The following NWD2 variants were observed in gnomAD, a reference collection of about 807,000 sequenced individuals.
The protein encoded by NWD2 is NACHT and WD repeat domain-containing protein 2.
Under a neutral mutation model 132.7 loss-of-function variants are expected in NWD2, and 37 were observed. The observed-to-expected ratio is 0.28, with a 90% CI of 0.21 to 0.37. The LOEUF (loss-of-function observed/expected upper bound fraction) is 0.37. Ranked by LOEUF, NWD2 falls within the 10% of genes least tolerant of loss-of-function variation. The probability of loss-of-function intolerance (pLI) is 1.00; values close to 1 mark genes in which losing one functional copy is unlikely to be tolerated. For synonymous variants in NWD2, 705 were observed against 803.0 expected, an observed-to-expected ratio of 0.88 and a Z score of 2.06; for missense variants, 1,592 against 2,122.4, an observed-to-expected ratio of 0.75 and a Z score of 4.91.
At chr4:37,386,627 A>G (rs920407910) in intron 3 of NWD2, among the ~76,000 whole-genome samples, 13 of 152,196 alleles carry the variant, frequency 8.5e-5, no homozygotes, top group African/African-American at 2.4e-5. Flanking sequence ...CTGTATGTCC[A>G]GAGCAGAATT....
At chr4:37,421,673 C>A (rs138434697) in intron 3 of NWD2, among the ~76,000 whole-genome samples, 2 of 152,210 alleles carry the variant, frequency 1.3e-5, no homozygotes, top group African/African-American at 2.4e-5. Flanking sequence ...ATATGTTAGA[C>A]GAAATTGGTA....
chr4:37,370,723 G>A (rs1479759), intron 3 of NWD2, among the ~76,000 whole-genome samples: 66,947 of 151,752 alleles, frequency 0.44, 16,125 homozygotes, highest in Non-Finnish European at 0.55. Context: ...CGCTTTTAAA[G>A]AATCTAGATT....
chr4:37,245,854 C>T (rs575991879), intron 1 of NWD2, among the ~76,000 whole-genome samples: 2 of 152,274 alleles, frequency 1.3e-5, no homozygotes, highest in South Asian at 4.1e-4. Context: ...TCTTCTGTAT[C>T]TAAAACTTGG....
intron 1 of NWD2, among the ~76,000 whole-genome samples, chr4:37,264,151 T>A (rs574300410): frequency 6.6e-6 from 1 of 152,188 alleles, no homozygotes; most frequent in Non-Finnish European, 1.5e-5. Flanking sequence ...TTTGAACAGA[T>A]AACTGTCAGC....
chr4:37,334,752 C>CGA (rs1719365003), intron 2 of NWD2, among the ~76,000 whole-genome samples: 1 of 152,166 alleles, frequency 6.6e-6, no homozygotes, highest in African/African-American at 2.4e-5. Flanking sequence ...CTGAGCTTTA[C>CGA]ATCACTCTTT....
chr4:37,372,465 C>T (rs183993998), intron 3 of NWD2, among the ~76,000 whole-genome samples: 9 of 152,278 alleles, frequency 5.9e-5, no homozygotes, highest in East Asian at 1.9e-4. Flanking sequence ...CTAGAATTTA[C>T]GTATTAATTA....
intron 1 of NWD2, among the ~76,000 whole-genome samples, chr4:37,273,238 T>G (rs1717911487): frequency 6.6e-6 from 1 of 151,882 alleles, no homozygotes; most frequent in Admixed American, 6.6e-5. Flanking sequence ...CTTCTAGCCC[T>G]CATTGCTTCT....
At position 37,387,524 on chromosome 4, in the gene NWD2, A is replaced by G. The variant is rs188805586; in HGVS notation, c.357+31042A>G. On this transcript the variant is annotated intron_variant, in intron 3 of 6. Coordinates refer to ENST00000309447, the MANE Select transcript of NWD2 (RefSeq NM_001144990.2). ...CATGTTTTCACCCTCTCTTAAATAT[A>G]TATGAGCCATCTGCTTGTCTGTACG... is the stretch of plus-strand genomic sequence containing the variant. Among the ~76,000 whole-genome samples the G allele has an allele frequency of 1.8e-4, 27 of 151,770 alleles. No homozygotes were observed. The East Asian group carries it at 4.9e-3, about 27-fold the overall frequency.
At chr4:37,420,523 A>G (rs1260387037) in intron 3 of NWD2, among the ~76,000 whole-genome samples, 1 of 152,160 alleles carries the variant, frequency 6.6e-6, no homozygotes, top group Non-Finnish European at 1.5e-5. Context: ...GTCTCTACTA[A>G]AAATACAAAA....
intron 1 of NWD2, among the ~76,000 whole-genome samples, chr4:37,247,613 ATT>A (rs34270482): frequency 4.7e-5 from 7 of 148,392 alleles, no homozygotes; most frequent in South Asian, 2.1e-4. Flanking sequence ...AATGAATAGA[ATT>A]TTTTTTTTTT....
chr4:37,254,222 G>T (rs13435032), intron 1 of NWD2, among the ~76,000 whole-genome samples: 12,383 of 152,142 alleles, frequency 0.081, 563 homozygotes, highest in Non-Finnish European at 0.097. Context: ...ATCAGGCTGG[G>T]CATATCAACA....
chr4:37,308,225 C>T (rs932627910), intron 1 of NWD2, among the ~76,000 whole-genome samples: 3 of 152,092 alleles, frequency 2.0e-5, no homozygotes, highest in South Asian at 2.1e-4. Flanking sequence ...AGAACAGTCA[C>T]GTCTTCTAAT....
chr4:37,276,099 G>C (rs1718006350), intron 1 of NWD2, among the ~76,000 whole-genome samples: 2 of 152,074 alleles, frequency 1.3e-5, no homozygotes, highest in African/African-American at 4.8e-5. Flanking sequence ...ATTGACAAAT[G>C]GGATCTAATT....
chr4:37,273,934 T>C (rs1243087300), intron 1 of NWD2, among the ~76,000 whole-genome samples: 1 of 151,088 alleles, frequency 6.6e-6, no homozygotes, highest in African/African-American at 2.4e-5. Flanking sequence ...TAAAGCAGTG[T>C]GTAGAGGGAA....
At chr4:37,352,543 C>G (rs191513055) in intron 2 of NWD2, among the ~76,000 whole-genome samples, 4 of 152,292 alleles carry the variant, frequency 2.6e-5, no homozygotes, top group Admixed American at 2.6e-4. Context: ...AATCTGGGTG[C>G]TCCTGTATTG....
chr4:37,389,571 G>A (rs1720639747), intron 3 of NWD2, among the ~76,000 whole-genome samples: 1 of 152,044 alleles, frequency 6.6e-6, no homozygotes, highest in Non-Finnish European at 1.5e-5. Context: ...AGTCGTTCTG[G>A]CGCTCAGTTT....
chr4:37,248,247 A>G (rs1284077166), intron 1 of NWD2, among the ~76,000 whole-genome samples: 2 of 152,304 alleles, frequency 1.3e-5, no homozygotes, highest in East Asian at 3.9e-4. Context: ...TGGCTGTCAG[A>G]CTTAAAGAGT....
At chr4:37,403,335 G>C (rs1427305853) in intron 3 of NWD2, among the ~76,000 whole-genome samples, 1 of 152,212 alleles carries the variant, frequency 6.6e-6, no homozygotes, top group Non-Finnish European at 1.5e-5. Context: ...CAATAAGAGA[G>C]AGTGTTGTAA....
chr4:37,315,723 A>C (rs1215260557), intron 1 of NWD2, among the ~76,000 whole-genome samples: 2 of 151,910 alleles, frequency 1.3e-5, no homozygotes, highest in East Asian at 3.8e-4. Context: ...CTGCCATTTT[A>C]CTATTTTCTA....
Sources: gnomAD v4.1 joint callset for allele counts (sites outside exome capture counted in the v4.1 genomes callset) on GRCh38, gnomAD v4.1.1 for gene constraint, MANE v1.5 for transcripts, NCBI Gene and HGNC (gene_info 2026-07-23, HGNC 2026-07-21) for gene names.